The following SCARF1 variants were observed in gnomAD, a reference collection of about 807,000 sequenced individuals.
SCARF1 encodes the protein acetyl LDL receptor.
Under a neutral mutation model 76.3 loss-of-function variants are expected in SCARF1, and 49 were observed. The observed-to-expected ratio is 0.64, with a 90% CI of 0.51 to 0.81. The LOEUF (loss-of-function observed/expected upper bound fraction) is 0.81, where lower values mean the gene tolerates loss of function less well. SCARF1 is among the 40% of genes least tolerant of loss of function. The pLI, the probability that SCARF1 is intolerant of heterozygous loss-of-function variation, is 0.00. For synonymous variants in SCARF1, 495 were observed against 474.6 expected, an observed-to-expected ratio of 1.04 and a Z score of -0.56; for missense variants, 1,098 against 1,143.9, an observed-to-expected ratio of 0.96 and a Z score of 0.58.
In SCARF1 at chr17:1,634,609, A is replaced by G; in HGVS notation, c.*149T>C. 8.9e-7 allele frequency: 1 copy of G among 1,124,294 alleles called. No individual in the cohort carries two copies. Among genetic ancestry groups the G allele is most frequent in the Non-Finnish European group, 1.2e-6 (1 of 810,692 alleles). The allele number at this position is 1,124,294 out of a possible 1,614,324, so 69.6% of individuals were successfully genotyped here. On this transcript the variant is annotated 3_prime_UTR_variant, in exon 11 of 11. Transcript: ENST00000263071. Reference sequence around the variant, plus strand: ...CCTGGGCCCCTCCGGGAGCACTGCCAGGGGCCTGGGCCAACTGGCCTGGAA... The same window carrying G: ...CCTGGGCCCCTCCGGGAGCACTGCCGGGGGCCTGGGCCAACTGGCCTGGAA...
Position 1,639,736 on chromosome 17 carries a change from G to A in SCARF1, c.1146C>T (p.Asn382=), listed in dbSNP as rs376213200. The A allele has an allele frequency of 3.2e-5, 52 of 1,602,718 alleles. 1 individual carries two copies. Among genetic ancestry groups the A allele is most frequent in the Non-Finnish European group, 3.9e-5 (46 of 1,175,022 alleles). ...CSAGYWGPSC[N]ASCPAGFHGN... is the part of the protein sequence containing the mutation. The stretch of plus-strand genomic sequence containing the variant: ...CATGGAAACCGGCTGGGCAGGAGGC[G>A]TTGCAGCTATGGAGTGACATGGAGA... The change falls in exon 7 of 11, where the codon AAC becomes AAT. Residue 382 remains asparagine (N), a synonymous_variant. Transcript: ENST00000263071.
At position 1,634,993 on chromosome 17, in the gene SCARF1, C is replaced by G; in HGVS notation, c.2258G>C (p.Ser753Thr). ...PGLASGSVGQ[S>T]PNSAPKAGLP... ...CCCAGCTTTTGGGGCTGAGTTGGGG[C>G]TCTGGCCGACAGAGCCAGAGGCAAG... Residue 753 changes from serine to threonine, a missense_variant, in exon 11 of 11, where the codon AGC (serine) becomes ACC (threonine). By Grantham distance (58) the Ser-to-Thr change is moderately conservative. Coordinates refer to ENST00000263071, the MANE Select transcript of SCARF1 (RefSeq NM_003693.4). 1 of 1,613,824 alleles carries G rather than the reference C, an allele frequency of 6.2e-7. No homozygotes were observed. The highest frequency in any genetic ancestry group is 1.3e-5 in the African/African-American group (1 of 75,058).
chr17:1,645,483 C>T lies in SCARF1; in HGVS notation c.101+114G>A. ...CAGTCCCTTCCTTTCAGCCTAAGCC[C>T]CCTTCCTAGTCTCCTCCTTCCCCTA... On this transcript the variant is annotated intron_variant, in intron 1 of 10. Coordinates refer to ENST00000263071, the MANE Select transcript of SCARF1 (RefSeq NM_003693.4). This position sits in a 1 kb window ranked among gnomAD's most constrained non-coding sequence, Gnocchi z 6.3. The T allele has an allele frequency of 6.5e-7, 1 of 1,530,222 alleles. No individual in the cohort carries two copies. Among genetic ancestry groups the T allele is most frequent in the Non-Finnish European group, 8.7e-7 (1 of 1,145,150 alleles). 94.8% of individuals were successfully genotyped at this position (1,530,222 alleles called of 1,614,324 possible). A position where few individuals can be genotyped will look rare whatever the true frequency, so the allele number is the denominator to read the frequency against.
Position 1,645,385 on chromosome 17 carries a change from G to C in SCARF1, c.102-146C>G. On this transcript the variant is annotated intron_variant, in intron 1 of 10. Coordinates refer to ENST00000263071, the MANE Select transcript of SCARF1 (RefSeq NM_003693.4). The surrounding 1 kb of genome is among the most constrained non-coding windows in gnomAD (Gnocchi z 6.3). ...TGGATCTTTACAGCTAGGGTCCCCA[G>C]CCCCTCCCCTCTCCTTCCCTGACCC... is the stretch of plus-strand genomic sequence containing the variant. The C allele has an allele frequency of 7.2e-7, 1 of 1,385,982 alleles. No individual in the cohort carries two copies. Among genetic ancestry groups the C allele is most frequent in the Non-Finnish European group, 9.8e-7 (1 of 1,020,494 alleles). The allele number at this position is 1,385,982 out of a possible 1,614,324, so 85.9% of individuals were successfully genotyped here. A position where few individuals can be genotyped will look rare whatever the true frequency, so the allele number is the denominator to read the frequency against.
At chr17:1,637,597 T>C (rs1415589548) in intron 8 of SCARF1, among the ~76,000 whole-genome samples, 2 of 152,024 alleles carry the variant, frequency 1.3e-5, no homozygotes, top group African/African-American at 2.4e-5. Context: ...CTCAGCCTCC[T>C]GAGTAGCTGG....
Position 1,636,288 on chromosome 17 carries a change from T to C in SCARF1, c.1633+421A>G, listed in dbSNP as rs150398903. Reference sequence around the variant, plus strand: ...GTGAGGATAGGAATCTGTCTTGTTATCTCTTGCATGCCCGGAGCCAAGAAC... The same window carrying C: ...GTGAGGATAGGAATCTGTCTTGTTACCTCTTGCATGCCCGGAGCCAAGAAC... On this transcript the variant is annotated intron_variant, in intron 10 of 10. Coordinates refer to ENST00000263071, the MANE Select transcript of SCARF1 (RefSeq NM_003693.4). Among the ~76,000 whole-genome samples the C allele has an allele frequency of 4.2e-3, 645 of 152,340 alleles. 6 individuals are homozygous for C. Among genetic ancestry groups the C allele is most frequent in the African/African-American group, 0.015 (605 of 41,588 alleles).
In SCARF1 at chr17:1,640,548, C is replaced by G; in HGVS notation, c.910G>C (p.Glu304Gln). 2 of 1,607,396 alleles carry G rather than the reference C, an allele frequency of 1.2e-6. No individual in the cohort carries two copies. The highest frequency in any genetic ancestry group is 1.7e-6 in the Non-Finnish European group (2 of 1,177,220). Residue 304 changes from glutamate to glutamine, a missense_variant, in exon 5 of 11, where the codon GAG becomes CAG. Glu to Gln is a conservative substitution (Grantham distance 29). Coordinates refer to ENST00000263071, the MANE Select transcript of SCARF1 (RefSeq NM_003693.4). The surrounding 1 kb of genome is among the most constrained non-coding windows in gnomAD (Gnocchi z 4.7). The stretch of plus-strand genomic sequence containing the variant: ...TGAGGGCACTGCTGTTCGCAGCTCT[C>G]GCCAAAGGTGCCAGGCAGGCAGGGC... Reference protein sequence around the residue: ...QQPCLPGTFGESCEQQCPHCR... With the variant: ...QQPCLPGTFGQSCEQQCPHCR...
chr17:1,638,687 C>A, intron 8 of SCARF1, 119 bp downstream of exon 8: 1 of 1,218,304 alleles, frequency 8.2e-7, no homozygotes, highest in Non-Finnish European at 1.1e-6. Flanking sequence ...CCACCCCCAT[C>A]ACCTCTGACC....
In SCARF1 at chr17:1,644,003, A is replaced by G; in HGVS notation, c.266-36T>C. ...GGGGACGGGAGGGGTCAGCGGGCTC[A>G]GGGCCGCGCGCAGACCCTTACCCTG... On this transcript the variant is annotated intron_variant, in intron 3 of 10. Transcript: ENST00000263071. The surrounding 1 kb of genome is among the most constrained non-coding windows in gnomAD (Gnocchi z 4.8). 1.5e-6 allele frequency: 2 copies of G among 1,298,442 alleles called. No individual in the cohort carries two copies. Among genetic ancestry groups the G allele is most frequent in the Non-Finnish European group, 9.8e-7 (1 of 1,023,186 alleles). The allele number at this position is 1,298,442 out of a possible 1,614,324, so 80.4% of individuals were successfully genotyped here.
At chr17:1,638,979 C>A in intron 7 of SCARF1, 53 bp from the exon 8 acceptor site, 1 of 1,503,316 alleles carries the variant, frequency 6.7e-7, no homozygotes, top group Non-Finnish European at 9.0e-7. Context: ...CCTACACATC[C>A]TGTCTTTGCT....
rs754293137 is a variant in SCARF1 at position 1,644,893 on chromosome 17, C to A, written c.206G>T (p.Cys69Phe). ...GCATCGACAGAGGCCCGGCTTCACA[C>A]ACACCTCGTCTTTCTGGCAGGCGTC... ...GPDACQKDEV[C>F]VKPGLCRCKP... is the part of the protein sequence containing the mutation. The change falls in exon 3 of 11, where the codon TGT (cysteine) becomes TTT (phenylalanine). Residue 69 changes from cysteine (C) to phenylalanine (F), a missense_variant. By Grantham distance (205) the Cys-to-Phe change is radical. Transcript: ENST00000263071. This position sits in a 1 kb window ranked among gnomAD's most constrained non-coding sequence, Gnocchi z 4.8. 1.4e-5 allele frequency: 23 copies of A among 1,613,462 alleles called. No individual in the cohort carries two copies. The highest frequency in any genetic ancestry group is 1.9e-5 in the Non-Finnish European group (23 of 1,179,984).
At chr17:1,642,323 A>C (rs1033475792) in intron 4 of SCARF1, among the ~76,000 whole-genome samples, 2 of 131,456 alleles carry the variant, frequency 1.5e-5, no homozygotes, top group African/African-American at 5.5e-5. Context: ...TGCCAATGCT[A>C]TCCCTCCCCC....
chr17:1,634,677 C>A lies in SCARF1; in HGVS notation c.*81G>T. 1 of 1,485,196 alleles carries A rather than the reference C, an allele frequency of 6.7e-7. No homozygotes were observed. Among genetic ancestry groups the A allele is most frequent in the Non-Finnish European group, 9.0e-7 (1 of 1,115,668 alleles). 92.0% of individuals were successfully genotyped at this position (1,485,196 alleles called of 1,614,324 possible). A position where few individuals can be genotyped will look rare whatever the true frequency, so the allele number is the denominator to read the frequency against. On this transcript the variant is annotated 3_prime_UTR_variant, in exon 11 of 11. Coordinates refer to ENST00000263071, the MANE Select transcript of SCARF1 (RefSeq NM_003693.4). The stretch of plus-strand genomic sequence containing the variant: ...TGGAGGCGCAGAGGCTCTGGTTTGT[C>A]TGTCCTGGCCCCGGGATCATTTTCC...
In SCARF1 at chr17:1,634,830, C is replaced by G; in HGVS notation, c.2421G>C (p.Gln807His). Residue 807 changes from glutamine (Q) to histidine (H), a missense_variant, in exon 11 of 11, where the codon CAG becomes CAC. By Grantham distance (24) the Gln-to-His change is conservative (BLOSUM62 0). Transcript: ENST00000263071. Reference sequence around the variant, plus strand: ...GTTCCTCCTGCCTTTCCTCTTCAGCCTGCTTCTGGGGATCCTGTTCTGGGG... The same window carrying G: ...GTTCCTCCTGCCTTTCCTCTTCAGCGTGCTTCTGGGGATCCTGTTCTGGGG... The part of the protein sequence containing the change: ...CGSPEQDPQK[Q>H]AEEERQEEPE... 1.9e-6 allele frequency: 3 copies of G among 1,613,800 alleles called. No individual in the cohort carries two copies. Among genetic ancestry groups the G allele is most frequent in the Non-Finnish European group, 2.5e-6 (3 of 1,179,768 alleles).
In SCARF1 at chr17:1,635,204, C is replaced by T. The variant is rs763850810; in HGVS notation, c.2047G>A (p.Glu683Lys). Residue 683 changes from glutamate to lysine, a missense_variant, in exon 11 of 11, where the codon GAG becomes AAG. Transcript: ENST00000263071. ...ATCGTGGTCACAGGGCCCGAGCTCT[C>T]CTGGACGCTGCCCTCAATGGCTTCC... Reference protein sequence around the residue: ...HVEAIEGSVQESSGPVTTIYM... With the variant: ...HVEAIEGSVQKSSGPVTTIYM... The T allele has an allele frequency of 9.9e-6, 16 of 1,613,274 alleles. No homozygotes were observed. Among genetic ancestry groups the T allele is most frequent in the Non-Finnish European group, 1.2e-5 (14 of 1,179,974 alleles).
chr17:1,639,497 C>A (rs1308048034), intron 7 of SCARF1, 142 bp downstream of exon 7: 2 of 636,196 alleles, frequency 3.1e-6, no homozygotes, highest in African/African-American at 1.9e-5. Flanking sequence ...AGAGCAAGAC[C>A]TCGTCTTAAG....
rs1423987272 is a variant in SCARF1 at position 1,638,892 on chromosome 17, G to A, written c.1278C>T (p.Gly426=). The A allele has an allele frequency of 6.2e-7, 1 of 1,609,936 alleles. No individual in the cohort carries two copies. Among genetic ancestry groups the A allele is most frequent in the African/African-American group, 1.3e-5 (1 of 75,014 alleles). ...AGAGCAGCAGCAGAGGCACAAGGCTGCCCGCGATGAGGGCAGTGTCCCGAC... is the reference window on the plus strand; with the variant it reads ...AGAGCAGCAGCAGAGGCACAAGGCTACCCGCGATGAGGGCAGTGTCCCGAC... ...SGSRDTALIA[G]SLVPLLLLFL... is the part of the protein sequence containing the mutation. The change falls in exon 8 of 11, where the codon GGC becomes GGT. Residue 426 remains glycine (G), a synonymous_variant. Transcript: ENST00000263071.
intron 10 of SCARF1, 51 bp from the exon 11 acceptor site, chr17:1,635,668 T>C (rs1314347091): frequency 6.4e-7 from 1 of 1,552,106 alleles, no homozygotes; most frequent in Admixed American, 1.8e-5. Flanking sequence ...GCCACCCCAA[T>C]GCATCCTACC....
rs779225306 is a variant in SCARF1, at chr17:1,644,897, C to T, written c.202G>A (p.Val68Met). Reference protein sequence around the residue: ...EGPDACQKDEVCVKPGLCRCK... With the variant: ...EGPDACQKDEMCVKPGLCRCK... ...CGACAGAGGCCCGGCTTCACACACA[C>T]CTCGTCTTTCTGGCAGGCGTCCGGC... is the stretch of plus-strand genomic sequence containing the variant. The change falls in exon 3 of 11, where the codon GTG becomes ATG. Residue 68 changes from valine to methionine, a missense_variant. Transcript: ENST00000263071. This position sits in a 1 kb window ranked among gnomAD's most constrained non-coding sequence, Gnocchi z 4.8. 1 of 1,613,558 alleles carries T rather than the reference C, an allele frequency of 6.2e-7. No individual in the cohort carries two copies. Among genetic ancestry groups the T allele is most frequent in the Non-Finnish European group, 8.5e-7 (1 of 1,179,970 alleles).
Sources: gnomAD v4.1 joint callset for allele counts (sites outside exome capture counted in the v4.1 genomes callset) on GRCh38, gnomAD v4.1.1 for gene constraint, Gnocchi (gnomAD v3.1) non-coding constraint, MANE v1.5 for transcripts, NCBI Gene and HGNC (gene_info 2026-07-23, HGNC 2026-07-21) for gene names.